The following DENND1A variants were observed in gnomAD, a reference collection of about 807,000 sequenced individuals.
DENND1A encodes DENN domain-containing protein 1A.
Under a neutral mutation model 113.7 loss-of-function variants are expected in DENND1A, and 51 were observed. The observed-to-expected ratio is 0.45, with a 90% CI of 0.36 to 0.57. The LOEUF is 0.57. Among genes scored for constraint, DENND1A ranks in the 20% least tolerant of loss-of-function variants. DENND1A has a pLI of 0.00. For synonymous variants in DENND1A, 565 were observed against 570.8 expected, an observed-to-expected ratio of 0.99 and a Z score of 0.14; for missense variants, 1,258 against 1,395.9, an observed-to-expected ratio of 0.90 and a Z score of 1.57.
intron 13 of DENND1A, among the ~76,000 whole-genome samples, chr9:123,511,695 G>C (rs923059475): frequency 6.6e-6 from 1 of 152,196 alleles, no homozygotes. Flanking sequence ...GCTAGTATTT[G>C]CACCCCCACC....
intron 13 of DENND1A, among the ~76,000 whole-genome samples, chr9:123,507,737 C>T (rs894999985): frequency 6.6e-6 from 1 of 151,358 alleles, no homozygotes; most frequent in Non-Finnish European, 1.5e-5. Context: ...CTCCTGCAGC[C>T]CTCAGCTACT....
chr9:123,686,154 A>G (rs1223154573), intron 5 of DENND1A, among the ~76,000 whole-genome samples: 1 of 152,176 alleles, frequency 6.6e-6, no homozygotes, highest in African/African-American at 2.4e-5. Flanking sequence ...GTAAGGGGGG[A>G]AACTAGGTAT....
chr9:123,485,089 G>A (rs555144078), intron 13 of DENND1A, among the ~76,000 whole-genome samples: 31 of 152,352 alleles, frequency 2.0e-4, no homozygotes, highest in Middle Eastern at 6.8e-3. Context: ...CCTCAGGGCA[G>A]GAGCTGCACT....
At chr9:123,473,616 C>A (rs1370569648) in intron 13 of DENND1A, among the ~76,000 whole-genome samples, 1 of 152,210 alleles carries the variant, frequency 6.6e-6, no homozygotes, top group African/African-American at 2.4e-5. Flanking sequence ...TTCTTATCTG[C>A]CCTGGAACCA....
Position 123,671,324 on chromosome 9 carries a change from G to A in DENND1A, c.420C>T (p.Ile140=), listed in dbSNP as rs2063753357. 2.5e-6 allele frequency: 4 copies of A among 1,614,066 alleles called. No individual in the cohort carries two copies. The highest frequency in any genetic ancestry group is 3.4e-6 in the Non-Finnish European group (4 of 1,179,986). Residue 140 remains isoleucine, a synonymous_variant, in exon 7 of 24, where the codon ATC becomes ATT. Coordinates refer to ENST00000394215, the MANE Select transcript of DENND1A (RefSeq NM_001352964.2). The part of the protein sequence containing the change: ...ELLETLHKLP[I]PDPGVSVHLS... ...GATGGACAGACACTCCTGGGTCAGG[G>A]ATGGGAAGTTTGTGCAGAGTTTCAA...
At chr9:123,474,075 A>G (rs1588706264) in intron 13 of DENND1A, among the ~76,000 whole-genome samples, 1 of 134,272 alleles carries the variant, frequency 7.4e-6, no homozygotes, top group Admixed American at 9.1e-5. Flanking sequence ...GCTGACCGCA[A>G]CCTCTGCCTC....
chr9:123,623,976 A>G (rs1004287054), intron 10 of DENND1A, among the ~76,000 whole-genome samples: 21 of 152,250 alleles, frequency 1.4e-4, no homozygotes, highest in Admixed American at 1.4e-3. Context: ...TCCTAGCAGC[A>G]TGTACCTGAA....
At chr9:123,926,041 T>C (rs1226639811) in intron 1 of DENND1A, among the ~76,000 whole-genome samples, 1 of 152,226 alleles carries the variant, frequency 6.6e-6, no homozygotes, top group Non-Finnish European at 1.5e-5. Context: ...ATCAGTTAAA[T>C]TGCTTCATAT....
chr9:123,677,731 G>A (rs745999338), intron 5 of DENND1A, among the ~76,000 whole-genome samples: 1 of 152,142 alleles, frequency 6.6e-6, no homozygotes, highest in Non-Finnish European at 1.5e-5. Flanking sequence ...ACCTGGCCAC[G>A]GCTCTTAGAA....
At position 123,468,257 on chromosome 9, in the gene DENND1A, G is replaced by A. The variant is rs1003068892; in HGVS notation, c.994-10360C>T. Among the ~76,000 whole-genome samples, 4 of 152,216 alleles carry A rather than the reference G, an allele frequency of 2.6e-5. No individual in the cohort carries two copies. The South Asian group carries it at 6.2e-4, about 24-fold the overall frequency. On this transcript the variant is annotated intron_variant, in intron 13 of 23. Transcript: ENST00000394215. ...GTAGAGCTACCTGCCTCCGGGGACT[G>A]CTGGGGGATTAAGCAGGGATGAATG...
intron 2 of DENND1A, among the ~76,000 whole-genome samples, chr9:123,832,728 A>G (rs987020404): frequency 5.3e-5 from 8 of 152,230 alleles, no homozygotes; most frequent in Admixed American, 2.6e-4. Context: ...CACAAATACA[A>G]TTGTTGAGCA....
chr9:123,817,613 T>C (rs982671401), intron 2 of DENND1A, among the ~76,000 whole-genome samples: 1 of 152,246 alleles, frequency 6.6e-6, no homozygotes, highest in Non-Finnish European at 1.5e-5. Context: ...TTTCTCATGT[T>C]TTCCTAGTTG....
intron 11 of DENND1A, among the ~76,000 whole-genome samples, chr9:123,600,285 A>G (rs2059885563): frequency 6.6e-6 from 1 of 152,184 alleles, no homozygotes; most frequent in Admixed American, 6.5e-5. Context: ...AATCACTTCC[A>G]TTTATTTGGC....
intron 5 of DENND1A, among the ~76,000 whole-genome samples, chr9:123,711,515 A>ATATATATATATATATATATGTATATATG (rs1564998240): frequency 3.3e-4 from 10 of 30,528 alleles, no homozygotes; most frequent in East Asian, 1.8e-3. Context: ...GTATATATGT[A>ATATATATATATATATATATGTATATATG]TATATATATA....
At chr9:123,728,979 C>T (rs925690322) in intron 5 of DENND1A, among the ~76,000 whole-genome samples, 10 of 152,148 alleles carry the variant, frequency 6.6e-5, no homozygotes, top group African/African-American at 1.2e-4. Flanking sequence ...AATCAATAAA[C>T]GTAATCCATC....
At chr9:123,468,598 G>A (rs775706412) in intron 13 of DENND1A, among the ~76,000 whole-genome samples, 5 of 152,190 alleles carry the variant, frequency 3.3e-5, no homozygotes, top group Non-Finnish European at 5.9e-5. Context: ...CCCAGAGCTG[G>A]GAGGAGAACG....
intron 19 of DENND1A, among the ~76,000 whole-genome samples, chr9:123,428,658 G>A (rs772181935): frequency 4.6e-5 from 7 of 152,112 alleles, no homozygotes; most frequent in South Asian, 2.1e-4. Flanking sequence ...AAACCCCATC[G>A]TCTCAGCCCA....
intron 5 of DENND1A, among the ~76,000 whole-genome samples, chr9:123,710,998 C>T (rs1589763415): frequency 1.3e-5 from 2 of 152,100 alleles, no homozygotes; most frequent in East Asian, 3.9e-4. Context: ...AATGTATTTC[C>T]CCTATCTATC....
chr9:123,927,478 C>A (rs1051304187), intron 1 of DENND1A, among the ~76,000 whole-genome samples: 3 of 152,058 alleles, frequency 2.0e-5, no homozygotes, highest in Admixed American at 6.5e-5. Context: ...AAGAAAAAAA[C>A]CTAACAATTA....
Sources: allele counts gnomAD v4.1 joint callset (sites outside exome capture counted in the v4.1 genomes callset), GRCh38; gene constraint gnomAD v4.1.1; transcripts MANE v1.5; gene names NCBI Gene and HGNC (gene_info 2026-07-23, HGNC 2026-07-21).